The following FHIT variants were observed in gnomAD, a reference collection of about 807,000 sequenced individuals.
FHIT encodes the protein bis(5'-adenosyl)-triphosphatase.
A neutral mutation model predicts 17.9 loss-of-function variants in FHIT; 19 were observed. The observed-to-expected ratio is 1.06, with a 90% CI of 0.74 to 1.56. The LOEUF (loss-of-function observed/expected upper bound fraction) is 1.56. Ranked by LOEUF, FHIT falls within the 40% of genes most tolerant of loss-of-function variation. The probability of loss-of-function intolerance (pLI) is 0.00; values close to 1 mark genes in which losing one functional copy is unlikely to be tolerated. For missense variants in FHIT, 248 were observed against 189.2 expected, an observed-to-expected ratio of 1.31 and a Z score of -1.82; for synonymous variants, 81 against 69.7, an observed-to-expected ratio of 1.16 and a Z score of -0.81.
intron 7 of FHIT, among the ~76,000 whole-genome samples, chr3:60,010,518 T>C (rs1359073457): frequency 1.3e-5 from 2 of 152,246 alleles, no homozygotes; most frequent in African/African-American, 4.8e-5. Flanking sequence ...GGCAGCACCT[T>C]ATCCACTCAC....
intron 8 of FHIT, among the ~76,000 whole-genome samples, chr3:59,760,371 A>G (rs188045595): frequency 1.3e-5 from 2 of 152,296 alleles, no homozygotes; most frequent in African/African-American, 4.8e-5. Flanking sequence ...CCAATTATAC[A>G]TTGAAGTATC....
chr3:61,166,742 A>C (rs1459181770), intron 2 of FHIT, among the ~76,000 whole-genome samples: 1 of 152,206 alleles, frequency 6.6e-6, no homozygotes, highest in African/African-American at 2.4e-5. Flanking sequence ...AATGTTGTCC[A>C]TTCATTCTAG....
intron 5 of FHIT, among the ~76,000 whole-genome samples, chr3:60,412,269 TA>T (rs1230660705): frequency 6.6e-6 from 1 of 152,072 alleles, no homozygotes; most frequent in African/African-American, 2.4e-5. Flanking sequence ...ATTTCCTTAA[TA>T]AAAATCTTGA....
chr3:60,306,530 T>C (rs116731372), intron 5 of FHIT, among the ~76,000 whole-genome samples: 1,868 of 152,298 alleles, frequency 0.012, 38 homozygotes, highest in African/African-American at 0.042. Context: ...ATATCACTTA[T>C]ATGCCTGTTT....
intron 5 of FHIT, among the ~76,000 whole-genome samples, chr3:60,341,607 T>C (rs1449642029): frequency 2.0e-5 from 3 of 152,244 alleles, no homozygotes; most frequent in Middle Eastern, 3.4e-3. Context: ...ATTTTTTTTT[T>C]AATAGACTGA....
At chr3:60,671,552 A>G (rs946899666) in intron 4 of FHIT, among the ~76,000 whole-genome samples, 3 of 152,182 alleles carry the variant, frequency 2.0e-5, no homozygotes, top group Admixed American at 6.5e-5. Flanking sequence ...CAGTTTTCAT[A>G]TACGTTTAAT....
chr3:60,446,204 G>A (rs1457342503), intron 5 of FHIT, among the ~76,000 whole-genome samples: 2 of 152,068 alleles, frequency 1.3e-5, no homozygotes, highest in Non-Finnish European at 2.9e-5. Context: ...AATGCCAATT[G>A]GGGCATCATT....
chr3:59,927,140 TA>T (rs202033595), intron 7 of FHIT, among the ~76,000 whole-genome samples: 9,694 of 152,112 alleles, frequency 0.064, 460 homozygotes, highest in South Asian at 0.089. Context: ...GATTTGGCCA[TA>T]AAAAGGAGTG....
chr3:61,036,154 G>A (rs931648060), intron 3 of FHIT, among the ~76,000 whole-genome samples: 1 of 152,162 alleles, frequency 6.6e-6, no homozygotes, highest in Non-Finnish European at 1.5e-5. Context: ...TTGACTCATG[G>A]CAGAAGGCGA....
At chr3:59,963,460 G>C (rs1191225133) in intron 7 of FHIT, among the ~76,000 whole-genome samples, 2 of 151,972 alleles carry the variant, frequency 1.3e-5, no homozygotes, top group Non-Finnish European at 2.9e-5. Flanking sequence ...TGTTACATGA[G>C]AGAGAGAAGG....
At chr3:59,943,858 C>T (rs896094740) in intron 7 of FHIT, among the ~76,000 whole-genome samples, 1 of 152,208 alleles carries the variant, frequency 6.6e-6, no homozygotes, top group Admixed American at 6.5e-5. Context: ...CATGCATCCT[C>T]ATCACACCAC....
intron 8 of FHIT, among the ~76,000 whole-genome samples, chr3:59,882,112 A>G (rs986144328): frequency 2.0e-5 from 3 of 152,012 alleles, no homozygotes; most frequent in African/African-American, 7.3e-5. Flanking sequence ...AGCATTGCAT[A>G]CTTTCAGGCA....
intron 7 of FHIT, among the ~76,000 whole-genome samples, chr3:60,009,763 G>T (rs1316777730): frequency 6.6e-6 from 1 of 152,082 alleles, no homozygotes; most frequent in South Asian, 2.1e-4. Context: ...TACCCTAAAA[G>T]AACCTGTATC....
At chr3:60,467,666 C>T (rs181401358) in intron 5 of FHIT, among the ~76,000 whole-genome samples, 18 of 151,802 alleles carry the variant, frequency 1.2e-4, no homozygotes, top group African/African-American at 4.1e-4. Context: ...AATTTTATTC[C>T]ATGGTGGTCA....
At chr3:61,129,734 A>G (rs1043350285) in intron 2 of FHIT, among the ~76,000 whole-genome samples, 1 of 152,192 alleles carries the variant, frequency 6.6e-6, no homozygotes, top group Non-Finnish European at 1.5e-5. Flanking sequence ...CAATTTCATC[A>G]AGATGCTGAA....
Position 60,225,720 on chromosome 3 carries a change from A to G in FHIT, c.104-211568T>C, listed in dbSNP as rs536302716. On this transcript the variant is annotated intron_variant, in intron 5 of 9. Transcript: ENST00000492590. ...CATTTAATGCAAAACTTGCCCTCTT[A>G]AAACAGCGACTTTGGGATCATCAAA... 2.6e-5 allele frequency among the ~76,000 whole-genome samples: 4 copies of G among 152,338 alleles called. No homozygotes were observed. In the East Asian group the frequency reaches 7.7e-4, roughly 29 times the overall value.
At chr3:59,901,852 G>A (rs991150527) in intron 8 of FHIT, among the ~76,000 whole-genome samples, 6 of 152,102 alleles carry the variant, frequency 3.9e-5, no homozygotes, top group East Asian at 1.9e-4. Flanking sequence ...TTCACAGAAC[G>A]ATTATTCATA....
chr3:60,482,002 C>T (rs1174687726), intron 5 of FHIT, among the ~76,000 whole-genome samples: 1 of 151,948 alleles, frequency 6.6e-6, no homozygotes, highest in Non-Finnish European at 1.5e-5. Context: ...AAATAGAAAG[C>T]AAAAGAAAGC....
chr3:60,991,281 A>G (rs1380528968), intron 3 of FHIT, among the ~76,000 whole-genome samples: 1 of 152,228 alleles, frequency 6.6e-6, no homozygotes, highest in African/African-American at 2.4e-5. Context: ...ATGAAGTTCA[A>G]TGACCCGAGG....
Sources: gnomAD v4.1 joint callset for allele counts (sites outside exome capture counted in the v4.1 genomes callset) on GRCh38, gnomAD v4.1.1 for gene constraint, MANE v1.5 for transcripts, NCBI Gene and HGNC (gene_info 2026-07-23, HGNC 2026-07-21) for gene names.